The following TTC28 variants were observed in gnomAD, a reference collection of about 807,000 sequenced individuals.
The protein encoded by TTC28 is tetratricopeptide repeat domain 28, also known as tetratricopeptide repeat protein 28.
TTC28 carries 61 observed loss-of-function variants against 198.0 expected under a neutral mutation model. That is an observed-to-expected ratio of 0.31 (90% CI 0.25 to 0.38). The LOEUF is 0.38. Ranked by LOEUF, TTC28 falls within the 10% of genes least tolerant of loss-of-function variation. The pLI, the probability that TTC28 is intolerant of heterozygous loss-of-function variation, is 1.00. For synonymous variants in TTC28, 1,171 were observed against 1,297.8 expected (o/e 0.90, Z 2.10); for missense variants, 2,678 against 3,164.0 (o/e 0.85, Z 3.69).
chr22:28,332,293 T>G (rs1372173111), intron 2 of TTC28, among the ~76,000 whole-genome samples: 1 of 151,884 alleles, frequency 6.6e-6, no homozygotes, highest in Non-Finnish European at 1.5e-5. Context: ...ATGCATAAGG[T>G]CCCTAATTAA....
intron 5 of TTC28, among the ~76,000 whole-genome samples, chr22:28,223,103 T>G (rs1193860246): frequency 1.3e-5 from 2 of 152,184 alleles, no homozygotes; most frequent in East Asian, 3.9e-4. Context: ...GCTCTCAGCA[T>G]GACACTGAAC....
At chr22:28,353,146 C>T (rs2046025029) in intron 2 of TTC28, among the ~76,000 whole-genome samples, 1 of 151,914 alleles carries the variant, frequency 6.6e-6, no homozygotes, top group African/African-American at 2.4e-5. Context: ...GACAAGAAAG[C>T]TAGAATAAGA....
intron 2 of TTC28, among the ~76,000 whole-genome samples, chr22:28,542,161 A>T (rs988929296): frequency 7.9e-5 from 12 of 152,150 alleles, no homozygotes; most frequent in East Asian, 3.8e-4. Context: ...CCATAAAAAA[A>T]TTTTTTTAAT....
intron 8 of TTC28, among the ~76,000 whole-genome samples, chr22:28,103,337 G>A (rs1018057353): frequency 9.9e-5 from 15 of 152,148 alleles, no homozygotes; most frequent in African/African-American, 3.4e-4. Flanking sequence ...TTATCCAGAG[G>A]TGTCTCCCTC....
At chr22:28,265,537 C>T (rs994751883) in intron 5 of TTC28, among the ~76,000 whole-genome samples, 1 of 152,154 alleles carries the variant, frequency 6.6e-6, no homozygotes, top group Non-Finnish European at 1.5e-5. Flanking sequence ...GCATGGGACA[C>T]AAGAGAAGCT....
At chr22:28,134,696 C>T (rs974366602) in intron 6 of TTC28, among the ~76,000 whole-genome samples, 24 of 152,050 alleles carry the variant, frequency 1.6e-4, no homozygotes, top group African/African-American at 4.8e-4. Context: ...TATAGGACTA[C>T]GTGAAAAGAC....
At chr22:28,316,174 CT>C (rs1417460056) in intron 2 of TTC28, among the ~76,000 whole-genome samples, 2 of 152,134 alleles carry the variant, frequency 1.3e-5, no homozygotes, top group African/African-American at 4.8e-5. Flanking sequence ...TGCAGCCTTT[CT>C]TATCTGTGTG....
chr22:28,201,729 T>C (rs1426152704), intron 5 of TTC28, among the ~76,000 whole-genome samples: 2 of 129,368 alleles, frequency 1.5e-5, no homozygotes, highest in East Asian at 4.4e-4. Context: ...TTTGGGTTTG[T>C]GAAAGATCTG....
At chr22:28,066,580 G>C (rs1940764123) in intron 12 of TTC28, among the ~76,000 whole-genome samples, 1 of 151,948 alleles carries the variant, frequency 6.6e-6, no homozygotes, top group Admixed American at 6.6e-5. Context: ...TACAGTATTG[G>C]TCTGTCCAGC....
chr22:28,434,133 G>T (rs1375639356), intron 2 of TTC28, among the ~76,000 whole-genome samples: 1 of 151,796 alleles, frequency 6.6e-6, no homozygotes, highest in Non-Finnish European at 1.5e-5. Flanking sequence ...AACATGGAAA[G>T]AAAAATAAAA....
At chr22:28,116,337 G>A (rs1942630035) in intron 6 of TTC28, among the ~76,000 whole-genome samples, 1 of 152,248 alleles carries the variant, frequency 6.6e-6, no homozygotes, top group African/African-American at 2.4e-5. Context: ...CAGTGGGGAA[G>A]ATTAATTGTG....
chr22:28,390,084 C>G (rs1161781618), intron 2 of TTC28, among the ~76,000 whole-genome samples: 4 of 151,620 alleles, frequency 2.6e-5, no homozygotes, highest in African/African-American at 9.7e-5. Flanking sequence ...TTATTTCTGC[C>G]TTCATTTCGT....
chr22:28,323,905 C>T (rs1346566633), intron 2 of TTC28, among the ~76,000 whole-genome samples: 5 of 152,090 alleles, frequency 3.3e-5, no homozygotes, highest in Non-Finnish European at 5.9e-5. Context: ...AGCTCCAATA[C>T]AGCTGGCAGC....
intron 5 of TTC28, among the ~76,000 whole-genome samples, chr22:28,219,167 C>T (rs746119413): frequency 7.2e-5 from 11 of 151,808 alleles, no homozygotes; most frequent in Non-Finnish European, 1.2e-4. Context: ...CATTACTTAA[C>T]GTCTCTTGGT....
chr22:28,123,941 C>T (rs1051059539), intron 6 of TTC28, among the ~76,000 whole-genome samples: 1 of 152,136 alleles, frequency 6.6e-6, no homozygotes, highest in Non-Finnish European at 1.5e-5. Flanking sequence ...TGAGATCACA[C>T]CACTGCACTC....
intron 6 of TTC28, among the ~76,000 whole-genome samples, chr22:28,121,556 G>A (rs1015406054): frequency 6.6e-6 from 1 of 152,266 alleles, no homozygotes; most frequent in African/African-American, 2.4e-5. Context: ...TGTTGTTGTT[G>A]TGCATGCTTT....
chr22:28,034,793 C>T (rs1939269453), intron 12 of TTC28, among the ~76,000 whole-genome samples: 1 of 152,204 alleles, frequency 6.6e-6, no homozygotes, highest in African/African-American at 2.4e-5. Flanking sequence ...CAGAGGCAGG[C>T]AGTAGCTGCT....
intron 6 of TTC28, among the ~76,000 whole-genome samples, chr22:28,117,156 T>C (rs2146929032): frequency 6.6e-6 from 1 of 152,332 alleles, no homozygotes; most frequent in Middle Eastern, 3.4e-3. Context: ...TATTCCATGT[T>C]CTCTCTTCCT....
chr22:28,326,614 A>G (rs1179147901), intron 2 of TTC28, among the ~76,000 whole-genome samples: 1 of 152,168 alleles, frequency 6.6e-6, no homozygotes, highest in East Asian at 1.9e-4. Flanking sequence ...TTTATAATTA[A>G]AGAGTGAGAA....
Sources: gnomAD v4.1 joint callset for allele counts (sites outside exome capture counted in the v4.1 genomes callset) on GRCh38, gnomAD v4.1.1 for gene constraint, MANE v1.5 for transcripts, NCBI Gene and HGNC (gene_info 2026-07-23, HGNC 2026-07-21) for gene names.